The following TMEM117 variants were observed in gnomAD, a reference collection of about 807,000 sequenced individuals.
The protein encoded by TMEM117 is transmembrane protein 117.
TMEM117 carries 27 observed loss-of-function variants against 52.4 expected under a neutral mutation model. The ratio of observed to expected loss-of-function variants is 0.51; its 90% CI spans 0.38 to 0.71. TMEM117 has a LOEUF of 0.71. Ranked by LOEUF, TMEM117 falls within the 30% of genes least tolerant of loss-of-function variation. The pLI, the probability that TMEM117 is intolerant of heterozygous loss-of-function variation, is 0.00. For missense variants in TMEM117, 556 were observed against 630.5 expected (o/e 0.88, Z 1.26); for synonymous variants, 215 against 206.3 (o/e 1.04, Z -0.36).
chr12:43,859,308 G>C (rs1943449205), intron 2 of TMEM117, among the ~76,000 whole-genome samples: 1 of 152,172 alleles, frequency 6.6e-6, no homozygotes, highest in African/African-American at 2.4e-5. Context: ...GCAGTGTAGA[G>C]TGTGAACAGG....
chr12:44,202,650 G>C (rs1455993307), intron 4 of TMEM117, among the ~76,000 whole-genome samples: 2 of 152,012 alleles, frequency 1.3e-5, no homozygotes, highest in South Asian at 4.1e-4. Flanking sequence ...CAATGATGCC[G>C]GCCTCATAGA....
chr12:44,261,420 T>C (rs1950319337), intron 5 of TMEM117, among the ~76,000 whole-genome samples: 1 of 152,210 alleles, frequency 6.6e-6, no homozygotes, highest in African/African-American at 2.4e-5. Flanking sequence ...TTCTGAAATT[T>C]TGGTATTTAT....
At chr12:43,952,564 A>T (rs147862949) in intron 3 of TMEM117, among the ~76,000 whole-genome samples, 1 of 152,190 alleles carries the variant, frequency 6.6e-6, no homozygotes, top group Non-Finnish European at 1.5e-5. Flanking sequence ...TGTCTTGCTG[A>T]AATAAGGCAG....
chr12:43,885,486 G>A (rs1943977755), intron 2 of TMEM117, among the ~76,000 whole-genome samples: 1 of 137,194 alleles, frequency 7.3e-6, no homozygotes, highest in Non-Finnish European at 1.6e-5. Flanking sequence ...AAAAACAAAT[G>A]TGAATTCATT....
At chr12:44,163,952 A>C (rs2138261712) in intron 4 of TMEM117, among the ~76,000 whole-genome samples, 1 of 152,194 alleles carries the variant, frequency 6.6e-6, no homozygotes, top group East Asian at 1.9e-4. Flanking sequence ...ATATTGGCAA[A>C]ACCTCTTTTT....
At chr12:43,840,523 T>C (rs2088822940) in intron 1 of TMEM117, among the ~76,000 whole-genome samples, 1 of 152,224 alleles carries the variant, frequency 6.6e-6, no homozygotes, top group African/African-American at 2.4e-5. Context: ...TTGTTTGCCT[T>C]AGCGGAAGTT....
intron 6 of TMEM117, among the ~76,000 whole-genome samples, chr12:44,306,888 G>A (rs1950911083): frequency 6.6e-6 from 1 of 152,140 alleles, no homozygotes; most frequent in Non-Finnish European, 1.5e-5. Flanking sequence ...TTGTCGTTAG[G>A]TGTTAAAAAG....
At chr12:44,014,997 GAGAGGCACCTGAAAAACCTT>G (rs1946351708) in intron 3 of TMEM117, among the ~76,000 whole-genome samples, 1 of 151,902 alleles carries the variant, frequency 6.6e-6, no homozygotes, top group South Asian at 2.1e-4. Context: ...TTTATTTGTT[GAGAGGCACCTGAAAAACCTT>G]AGCAAACTTG....
chr12:44,362,839 T>C lies in TMEM117; in HGVS notation c.769-13756T>C, dbSNP rs978176295. Among the ~76,000 whole-genome samples, 36 of 152,046 alleles carry C rather than the reference T, an allele frequency of 2.4e-4. No individual in the cohort carries two copies. In the East Asian group the frequency reaches 6.6e-3, roughly 28 times the overall value. On this transcript the variant is annotated intron_variant, in intron 6 of 7. Coordinates refer to ENST00000266534, the MANE Select transcript of TMEM117 (RefSeq NM_032256.3). ...TCTTTTTTTCTTTCCTTTTCTTTTT[T>C]TTTTTTATTTTTTTGGTTGGTTGCT...
intron 6 of TMEM117, among the ~76,000 whole-genome samples, chr12:44,363,592 A>G (rs1487633445): frequency 6.6e-6 from 1 of 152,142 alleles, no homozygotes; most frequent in Non-Finnish European, 1.5e-5. Flanking sequence ...ATTCTTTCTC[A>G]TTGTATATAA....
chr12:43,971,625 C>G (rs1592404582), intron 3 of TMEM117, among the ~76,000 whole-genome samples: 1 of 152,186 alleles, frequency 6.6e-6, no homozygotes, highest in African/African-American at 2.4e-5. Flanking sequence ...TTCCTAACGC[C>G]TTAAGGTCAG....
chr12:44,148,340 A>G (rs2138213622), intron 4 of TMEM117, among the ~76,000 whole-genome samples: 1 of 152,350 alleles, frequency 6.6e-6, no homozygotes, highest in East Asian at 1.9e-4. Context: ...TGGATTAATA[A>G]AACATAGCCT....
At chr12:44,393,280 C>G (rs1952169225), downstream of TMEM117, among the ~76,000 whole-genome samples, 1 of 151,922 alleles carries the variant, frequency 6.6e-6, no homozygotes, top group South Asian at 2.1e-4. Context: ...TGAGAAAGAC[C>G]ACGATAATTT....
At chr12:44,174,329 T>C (rs1565860297) in intron 4 of TMEM117, among the ~76,000 whole-genome samples, 1 of 152,186 alleles carries the variant, frequency 6.6e-6, no homozygotes, top group Non-Finnish European at 1.5e-5. Flanking sequence ...ATAGTTCATT[T>C]TGGGATAAAA....
intron 4 of TMEM117, among the ~76,000 whole-genome samples, chr12:44,154,874 C>A (rs571130304): frequency 6.6e-6 from 1 of 151,752 alleles, no homozygotes; most frequent in Non-Finnish European, 1.5e-5. Context: ...AAGTCTCTAT[C>A]GTAATGCCAT....
chr12:44,130,530 G>A (rs79269997), intron 3 of TMEM117, among the ~76,000 whole-genome samples: 1 of 152,132 alleles, frequency 6.6e-6, no homozygotes, highest in African/African-American at 2.4e-5. Flanking sequence ...TTGGTGAGGG[G>A]GTTTTGACTT....
At chr12:44,315,069 T>C (rs1266019793) in intron 6 of TMEM117, among the ~76,000 whole-genome samples, 2 of 152,206 alleles carry the variant, frequency 1.3e-5, no homozygotes, top group Non-Finnish European at 2.9e-5. Context: ...TCTCTGAGAA[T>C]CTTTTGTGTT....
chr12:44,346,963 G>C (rs1240546207), intron 6 of TMEM117, among the ~76,000 whole-genome samples: 2 of 151,968 alleles, frequency 1.3e-5, no homozygotes, highest in East Asian at 1.9e-4. Flanking sequence ...CAATGAATTA[G>C]TTTTAACCAC....
intron 2 of TMEM117, among the ~76,000 whole-genome samples, chr12:43,930,338 A>G (rs531002769): frequency 6.6e-6 from 1 of 152,148 alleles, no homozygotes; most frequent in Non-Finnish European, 1.5e-5. Flanking sequence ...ATTTCGGGTC[A>G]TTTCCTGAGT....
Sources: gnomAD v4.1 joint callset for allele counts (sites outside exome capture counted in the v4.1 genomes callset) on GRCh38, gnomAD v4.1.1 for gene constraint, MANE v1.5 for transcripts, NCBI Gene and HGNC (gene_info 2026-07-23, HGNC 2026-07-21) for gene names.